The following GALNT17 variants were observed in gnomAD, a reference collection of about 807,000 sequenced individuals.
GALNT17 encodes polypeptide N-acetylgalactosaminyltransferase 17.
GALNT17 carries 29 observed loss-of-function variants against 63.7 expected under a neutral mutation model. That is an observed-to-expected ratio of 0.46 (90% CI 0.34 to 0.62). GALNT17 has a LOEUF of 0.62. Ranked by LOEUF, GALNT17 falls within the 20% of genes least tolerant of loss-of-function variation. The pLI, the probability that GALNT17 is intolerant of heterozygous loss-of-function variation, is 0.01. For missense variants in GALNT17, 603 were observed against 799.6 expected (o/e 0.75, Z 2.97); for synonymous variants, 305 against 318.3 (o/e 0.96, Z 0.45).
chr7:71,375,637 C>T (rs1283215242), intron 2 of GALNT17, among the ~76,000 whole-genome samples: 1 of 152,160 alleles, frequency 6.6e-6, no homozygotes, highest in East Asian at 1.9e-4. Context: ...CCAGGCTGGT[C>T]TCAAACTCTT....
chr7:71,678,956 C>CA (rs35898355), intron 9 of GALNT17, among the ~76,000 whole-genome samples: 70,807 of 113,736 alleles, frequency 0.62, 22,003 homozygotes, highest in East Asian at 0.85. Flanking sequence ...GACTCCATCT[C>CA]AAAAAAAAAA....
At position 71,464,257 on chromosome 7, in the gene GALNT17, T is replaced by A. The variant is rs541819385; in HGVS notation, c.962+43152T>A. Among the ~76,000 whole-genome samples, 36 of 152,262 alleles carry A rather than the reference T, an allele frequency of 2.4e-4. 1 individual carries two copies. The highest frequency in any genetic ancestry group is 2.1e-3 in the Admixed American group (32 of 15,290). On this transcript the variant is annotated intron_variant, in intron 5 of 10. Coordinates refer to ENST00000333538, the MANE Select transcript of GALNT17 (RefSeq NM_022479.3). ...ACAGCAAGGGTATGGGGTGTTGAAC[T>A]TGATCAGGTATCAAATTAGGGGATT...
Position 71,544,917 on chromosome 7 carries a change from C to G in GALNT17, c.963-26368C>G, listed in dbSNP as rs1486098277. On this transcript the variant is annotated intron_variant, in intron 5 of 10. Coordinates refer to ENST00000333538, the MANE Select transcript of GALNT17 (RefSeq NM_022479.3). ...GCACCCCCATCACATCGGGATTTTT[C>G]TGGGGATCAAATGCGTTAGATAAAT... Among the ~76,000 whole-genome samples, 3 of 147,822 alleles carry G rather than the reference C, an allele frequency of 2.0e-5. No individual in the cohort carries two copies. In the Admixed American group the frequency reaches 2.0e-4, roughly 10 times the overall value.
chr7:71,221,607 T>G (rs919226697), intron 1 of GALNT17, among the ~76,000 whole-genome samples: 4 of 152,172 alleles, frequency 2.6e-5, no homozygotes, highest in Admixed American at 2.6e-4. Flanking sequence ...TTCTCCCTGC[T>G]ATGGACTGAC....
chr7:71,153,759 A>G (rs139843364), intron 1 of GALNT17, among the ~76,000 whole-genome samples: 4,110 of 152,106 alleles, frequency 0.027, 87 homozygotes, highest in Non-Finnish European at 0.04. Context: ...TCTACTAAAA[A>G]TACAAAAATT....
chr7:71,306,897 C>T (rs1221591572), intron 1 of GALNT17, among the ~76,000 whole-genome samples: 7 of 152,130 alleles, frequency 4.6e-5, no homozygotes, highest in African/African-American at 1.7e-4. Context: ...AGTCTCAGCT[C>T]ACTGCAGCCT....
chr7:71,325,234 C>G (rs1791684061), intron 1 of GALNT17, among the ~76,000 whole-genome samples: 1 of 152,188 alleles, frequency 6.6e-6, no homozygotes, highest in South Asian at 2.1e-4. Context: ...GTTTTATTGA[C>G]TTCCAGATGA....
intron 1 of GALNT17, among the ~76,000 whole-genome samples, chr7:71,274,535 C>T (rs1790649963): frequency 6.6e-6 from 1 of 152,186 alleles, no homozygotes; most frequent in Admixed American, 6.5e-5. Context: ...CTTCCACGGC[C>T]TCCAAAAGCG....
intron 6 of GALNT17, among the ~76,000 whole-genome samples, chr7:71,617,569 C>T (rs1020249801): frequency 1.3e-5 from 2 of 152,072 alleles, no homozygotes; most frequent in African/African-American, 4.8e-5. Context: ...ATCCACCTAC[C>T]TTGGCCTCCC....
intron 2 of GALNT17, among the ~76,000 whole-genome samples, chr7:71,371,781 T>G (rs1242009601): frequency 2.0e-5 from 3 of 152,194 alleles, no homozygotes; most frequent in Admixed American, 1.3e-4. Context: ...AAGGGAGACG[T>G]GCACTATTAT....
At chr7:71,592,020 G>A (rs925092190) in intron 6 of GALNT17, among the ~76,000 whole-genome samples, 7 of 152,216 alleles carry the variant, frequency 4.6e-5, no homozygotes, top group East Asian at 3.9e-4. Context: ...CGCAGATGGA[G>A]CTGTCCGTCT....
chr7:71,163,575 T>A (rs1334071740), intron 1 of GALNT17, among the ~76,000 whole-genome samples: 1 of 152,242 alleles, frequency 6.6e-6, no homozygotes, highest in Non-Finnish European at 1.5e-5. Flanking sequence ...TGGAAAGAGC[T>A]TGTCTTGGAA....
chr7:71,473,516 T>C lies in GALNT17; in HGVS notation c.962+52411T>C, dbSNP rs1787675034. On this transcript the variant is annotated intron_variant, in intron 5 of 10. Coordinates refer to ENST00000333538, the MANE Select transcript of GALNT17 (RefSeq NM_022479.3). ...ATACCAGAGTCAGGTTGCAATTTGG[T>C]ATCTTACTGCCACAGTGAGTCTGTT... 2.0e-5 allele frequency among the ~76,000 whole-genome samples: 3 copies of C among 152,214 alleles called. No homozygotes were observed. The South Asian group carries it at 6.2e-4, about 31-fold the overall frequency.
chr7:71,658,697 G>T (rs1790864599), intron 6 of GALNT17, among the ~76,000 whole-genome samples: 1 of 152,076 alleles, frequency 6.6e-6, no homozygotes, highest in African/African-American at 2.4e-5. Flanking sequence ...AGACCGGTCT[G>T]GCCAACATGG....
chr7:71,243,757 C>T (rs557899674), intron 1 of GALNT17, among the ~76,000 whole-genome samples: 1 of 152,172 alleles, frequency 6.6e-6, no homozygotes, highest in African/African-American at 2.4e-5. Flanking sequence ...CCTCATAAAA[C>T]AGCACATTTG....
At chr7:71,167,835 G>A (rs530773152) in intron 1 of GALNT17, among the ~76,000 whole-genome samples, 11 of 152,070 alleles carry the variant, frequency 7.2e-5, no homozygotes, top group Non-Finnish European at 1.6e-4. Flanking sequence ...GATTACAGGC[G>A]TGCGCCACGA....
At chr7:71,290,563 G>A (rs1297760638) in intron 1 of GALNT17, among the ~76,000 whole-genome samples, 1 of 152,162 alleles carries the variant, frequency 6.6e-6, no homozygotes, top group Non-Finnish European at 1.5e-5. Flanking sequence ...ATTAAAGAGA[G>A]CTGGGCTGCA....
chr7:71,640,018 GA>G (rs1009085346), intron 6 of GALNT17, among the ~76,000 whole-genome samples: 87 of 152,012 alleles, frequency 5.7e-4, no homozygotes, highest in African/African-American at 2.0e-3. Flanking sequence ...CAAGAGTGGG[GA>G]AAAAAACAAC....
At chr7:71,612,158 A>G (rs981633338) in intron 6 of GALNT17, among the ~76,000 whole-genome samples, 1 of 152,186 alleles carries the variant, frequency 6.6e-6, no homozygotes, top group Non-Finnish European at 1.5e-5. Context: ...AACTTAGACT[A>G]TGAGAGCAAA....
Sources: allele counts gnomAD v4.1 joint callset (sites outside exome capture counted in the v4.1 genomes callset), GRCh38; gene constraint gnomAD v4.1.1; transcripts MANE v1.5; gene names NCBI Gene and HGNC (gene_info 2026-07-23, HGNC 2026-07-21).